Variants in DOCK1 observed in about 807,000 individuals in gnomAD.
DOCK1 encodes the protein dedicator of cytokinesis protein 1.
Under a neutral mutation model 262.7 loss-of-function variants are expected in DOCK1, and 138 were observed. The ratio of observed to expected loss-of-function variants is 0.53; its 90% CI spans 0.46 to 0.61. The LOEUF (loss-of-function observed/expected upper bound fraction) is 0.61, where lower values mean the gene tolerates loss of function less well. DOCK1 is among the 20% of genes least tolerant of loss of function. DOCK1 has a pLI of 0.00. For missense variants in DOCK1, 1,908 were observed against 2,370.7 expected (o/e 0.80, Z 4.05); for synonymous variants, 866 against 867.4 (o/e 1.00, Z 0.03).
Position 127,175,726 on chromosome 10 carries a change from GCT to G in DOCK1, c.2847+47963_2847+47964del. 1 of 1,614,088 alleles carries G rather than the reference GCT, an allele frequency of 6.2e-7. No individual in the cohort carries two copies. The highest frequency in any genetic ancestry group is 8.5e-7 in the Non-Finnish European group (1 of 1,180,028). ...CGGTCCTGCTTGGCCCTCCCGAGCA[GCT>G]GGTAATCGGGCTCTTCGGATGGAGG... is the stretch of plus-strand genomic sequence containing the variant. On this transcript the variant is annotated intron_variant, in intron 27 of 51. Transcript: ENST00000623213. The surrounding 1 kb of genome is among the most constrained non-coding windows in gnomAD (Gnocchi z 6.3).
At chr10:127,334,220 G>A (rs1172180848) in intron 29 of DOCK1, among the ~76,000 whole-genome samples, 3 of 152,002 alleles carry the variant, frequency 2.0e-5, no homozygotes, top group Non-Finnish European at 2.9e-5. Context: ...GTAGCTCCAC[G>A]TTTAAATGGA....
intron 27 of DOCK1, among the ~76,000 whole-genome samples, chr10:127,211,899 G>C (rs7907365): frequency 0.027 from 4,118 of 152,262 alleles, 210 homozygotes; most frequent in African/African-American, 0.094. Context: ...CCAGCCCACT[G>C]CATGTTCCGA....
At chr10:126,940,515 T>G (rs1458809314) in intron 1 of DOCK1, among the ~76,000 whole-genome samples, 1 of 152,180 alleles carries the variant, frequency 6.6e-6, no homozygotes, top group Non-Finnish European at 1.5e-5. Context: ...ATGATTCTCC[T>G]GCCTCAGCCT....
chr10:127,298,554 G>A (rs548656792), intron 29 of DOCK1, among the ~76,000 whole-genome samples: 2 of 152,260 alleles, frequency 1.3e-5, no homozygotes, highest in East Asian at 3.9e-4. Context: ...TTTCCCCACA[G>A]CATTTCTCTC....
chr10:127,160,341 G>C (rs1169258106), intron 27 of DOCK1, among the ~76,000 whole-genome samples: 1 of 152,162 alleles, frequency 6.6e-6, no homozygotes, highest in Non-Finnish European at 1.5e-5. Context: ...TCCTTCATAA[G>C]ATCTTAAATT....
intron 27 of DOCK1, among the ~76,000 whole-genome samples, chr10:127,198,926 TGGGGGCTGGCTGGAGAGAAG>T (rs1371299433): frequency 6.6e-6 from 1 of 152,096 alleles, no homozygotes; most frequent in Non-Finnish European, 1.5e-5. Context: ...AGCATCATGC[TGGGGGCTGGCTGGAGAGAAG>T]GGAGTTTCAG....
At position 127,267,178 on chromosome 10, in the gene DOCK1, C is replaced by T. The variant is rs377068744; in HGVS notation, c.3044+9749C>T. Among the ~76,000 whole-genome samples the T allele has an allele frequency of 3.3e-4, 50 of 152,324 alleles. No individual in the cohort carries two copies. In the South Asian group the frequency reaches 8.9e-3, roughly 27 times the overall value. ...AGGGACATTGGCAGTTCTCTCTCAG[C>T]AGCTTTTGGGCCTAGATATGGTTGC... On this transcript the variant is annotated intron_variant, in intron 29 of 51. Transcript: ENST00000623213.
chr10:127,122,289 C>T (rs1003982393), intron 25 of DOCK1, among the ~76,000 whole-genome samples: 1 of 152,188 alleles, frequency 6.6e-6, no homozygotes, highest in Non-Finnish European at 1.5e-5. Flanking sequence ...GCCTGTGTGA[C>T]CCTCTGCCTG....
chr10:127,216,970 C>T (rs1334016098), intron 27 of DOCK1, among the ~76,000 whole-genome samples: 1 of 152,182 alleles, frequency 6.6e-6, no homozygotes, highest in East Asian at 1.9e-4. Flanking sequence ...CGAGCCTCTG[C>T]ATCCTGCCTT....
intron 29 of DOCK1, among the ~76,000 whole-genome samples, chr10:127,333,157 G>A (rs1170124841): frequency 6.6e-6 from 1 of 152,162 alleles, no homozygotes; most frequent in Non-Finnish European, 1.5e-5. Flanking sequence ...CACCCCCAAA[G>A]CAGCCTGTCT....
At chr10:126,946,280 C>G (rs1280650733) in intron 1 of DOCK1, among the ~76,000 whole-genome samples, 1 of 152,196 alleles carries the variant, frequency 6.6e-6, no homozygotes, top group African/African-American at 2.4e-5. Context: ...GACACGGTAG[C>G]TCATGCCTGT....
At chr10:127,335,183 A>G (rs2063138821) in intron 29 of DOCK1, among the ~76,000 whole-genome samples, 2 of 152,226 alleles carry the variant, frequency 1.3e-5, no homozygotes, top group Admixed American at 6.5e-5. Flanking sequence ...GTGAACAAGC[A>G]GGTGTTGCCA....
chr10:127,371,041 A>G (rs775055472), intron 33 of DOCK1, among the ~76,000 whole-genome samples: 1 of 152,364 alleles, frequency 6.6e-6, no homozygotes, highest in African/African-American at 2.4e-5. Flanking sequence ...TCACCAGACA[A>G]TGTGCATTTA....
intron 38 of DOCK1, chr10:127,402,794 T>C (rs2067299395): frequency 6.6e-6 from 4 of 605,028 alleles, no homozygotes; most frequent in Non-Finnish European, 1.3e-5. Context: ...GAGGACTGGC[T>C]GACAGACTGC....
At chr10:127,281,125 C>T (rs569897537) in intron 29 of DOCK1, among the ~76,000 whole-genome samples, 1 of 152,310 alleles carries the variant, frequency 6.6e-6, no homozygotes, top group South Asian at 2.1e-4. Flanking sequence ...GTGGAGGCTC[C>T]AGGGCTTTGC....
rs1590916263 is a variant in DOCK1, at chr10:127,404,414, C to T, written c.4107C>T (p.Phe1369=). ...YFAVGYYGQG[F]PTFLRGKVFI... ...CTGTTGGCTACTACGGACAAGGGTT[C>T]CCCACATTCCTGCGGGTAAAGTTTG... Residue 1369 remains phenylalanine (F), a synonymous_variant, in exon 40 of 52, where the codon TTC becomes TTT. Coordinates refer to ENST00000623213, the MANE Select transcript of DOCK1 (RefSeq NM_001290223.2). The T allele has an allele frequency of 6.2e-7, 1 of 1,613,534 alleles. No individual in the cohort carries two copies. Among genetic ancestry groups the T allele is most frequent in the Non-Finnish European group, 8.5e-7 (1 of 1,179,754 alleles).
chr10:127,386,655 T>G (rs1487412200), intron 38 of DOCK1, among the ~76,000 whole-genome samples: 1 of 152,024 alleles, frequency 6.6e-6, no homozygotes, highest in African/African-American at 2.4e-5. Flanking sequence ...AGGCTCCCAC[T>G]GATTCTACAT....
chr10:127,170,794 GC>G (rs1388347741), intron 27 of DOCK1, among the ~76,000 whole-genome samples: 1 of 152,162 alleles, frequency 6.6e-6, no homozygotes, highest in Non-Finnish European at 1.5e-5. Context: ...TATTTAGGTA[GC>G]CTGTGTGACC....
chr10:127,236,500 GTTTTTTTT>G (rs771387854), intron 27 of DOCK1, among the ~76,000 whole-genome samples: 5 of 66,786 alleles, frequency 7.5e-5, no homozygotes, highest in South Asian at 6.1e-4. Flanking sequence ...CTTGACACGG[GTTTTTTTT>G]TTTTTTTTTT....
Sources: gnomAD v4.1 joint callset for allele counts (sites outside exome capture counted in the v4.1 genomes callset) on GRCh38, gnomAD v4.1.1 for gene constraint, Gnocchi (gnomAD v3.1) non-coding constraint, MANE v1.5 for transcripts, NCBI Gene and HGNC (gene_info 2026-07-23, HGNC 2026-07-21) for gene names.